CACHD1: variants seen among roughly 807,000 people sequenced by gnomAD.
CACHD1 encodes cache domain containing 1.
In CACHD1, 71 loss-of-function variants were observed where a neutral mutation model predicts 138.7. The observed-to-expected ratio is 0.51, with a 90% confidence interval of 0.42 to 0.62. The LOEUF (loss-of-function observed/expected upper bound fraction) is 0.62, where lower values mean the gene tolerates loss of function less well. Among genes scored for constraint, CACHD1 ranks in the 20% least tolerant of loss-of-function variants. The pLI, the probability that CACHD1 is intolerant of heterozygous loss-of-function variation, is 0.00. For synonymous variants in CACHD1, 578 were observed against 591.5 expected (o/e 0.98, Z 0.33); for missense variants, 1,389 against 1,625.3 (o/e 0.85, Z 2.50).
In CACHD1 at chr1:64,577,968, G is replaced by C. The variant is rs1044079109; in HGVS notation, c.262-4188G>C. Among the ~76,000 whole-genome samples the C allele has an allele frequency of 5.9e-5, 9 of 152,256 alleles. No homozygotes were observed. The South Asian group carries it at 1.9e-3, about 32-fold the overall frequency. ...CCCAGTAAAACACACCTCTGCCAGG[G>C]CTGCTCTCCCATCAACCAGTCACCC... is the stretch of plus-strand genomic sequence containing the variant. On this transcript the variant is annotated intron_variant, in intron 2 of 26. Coordinates refer to ENST00000651257, the MANE Select transcript of CACHD1 (RefSeq NM_020925.4).
chr1:64,511,746 G>A (rs1646422164), intron 1 of CACHD1, among the ~76,000 whole-genome samples: 1 of 152,172 alleles, frequency 6.6e-6, no homozygotes, highest in Non-Finnish European at 1.5e-5. Flanking sequence ...GCAATAATTA[G>A]CACTTTGAGT....
At chr1:64,495,884 G>A (rs1646303735) in intron 1 of CACHD1, among the ~76,000 whole-genome samples, 1 of 151,790 alleles carries the variant, frequency 6.6e-6, no homozygotes, top group African/African-American at 2.4e-5. Flanking sequence ...AACAAAAGTT[G>A]GAATATCTAA....
chr1:64,546,440 T>C (rs1023680891), intron 1 of CACHD1, among the ~76,000 whole-genome samples: 1 of 152,018 alleles, frequency 6.6e-6, no homozygotes, highest in Non-Finnish European at 1.5e-5. Flanking sequence ...GCTCAAGTGA[T>C]CCTCCCACCT....
chr1:64,589,024 G>A (rs894500138), intron 3 of CACHD1, among the ~76,000 whole-genome samples: 1 of 152,170 alleles, frequency 6.6e-6, no homozygotes. Flanking sequence ...TAAGCAACTT[G>A]TTTCCAAGGT....
At chr1:64,661,550 T>G (rs1649440969) in intron 13 of CACHD1, among the ~76,000 whole-genome samples, 1 of 152,174 alleles carries the variant, frequency 6.6e-6, no homozygotes, top group African/African-American at 2.4e-5. Context: ...CCTTTGACAC[T>G]TCTTATATTA....
At chr1:64,588,491 A>G (rs1180978683) in intron 3 of CACHD1, among the ~76,000 whole-genome samples, 1 of 150,490 alleles carries the variant, frequency 6.6e-6, no homozygotes, top group African/African-American at 2.5e-5. Flanking sequence ...GCACGATCTC[A>G]TGCCTCAGCC....
At chr1:64,674,349 G>T (rs1176669563) in intron 19 of CACHD1, among the ~76,000 whole-genome samples, 1 of 152,144 alleles carries the variant, frequency 6.6e-6, no homozygotes, top group African/African-American at 2.4e-5. Flanking sequence ...AAATGAGACT[G>T]CCAAGTAAGG....
intron 16 of CACHD1, among the ~76,000 whole-genome samples, chr1:64,667,662 A>T (rs1238610557): frequency 2.0e-5 from 3 of 152,110 alleles, no homozygotes; most frequent in Non-Finnish European, 4.4e-5. Flanking sequence ...GTAAACAAAG[A>T]CTGTTTCTTT....
chr1:64,647,751 G>A lies in CACHD1; in HGVS notation c.1157-50G>A. The stretch of plus-strand genomic sequence containing the variant: ...GATCTAAATGGCAAGAGGTTGAATG[G>A]ATATAAACCATTTTGCTTTCCGTGG... On this transcript the variant is annotated intron_variant, in intron 8 of 26. Coordinates refer to ENST00000651257, the MANE Select transcript of CACHD1 (RefSeq NM_020925.4). 2.0e-6 allele frequency: 3 copies of A among 1,518,912 alleles called. No homozygotes were observed. The South Asian group carries it at 3.5e-5, about 18-fold the overall frequency. 94.1% of individuals were successfully genotyped at this position (1,518,912 alleles called of 1,614,324 possible). A position where few individuals can be genotyped will look rare whatever the true frequency, so the allele number is the denominator to read the frequency against.
At chr1:64,639,500 T>A (rs1226745878) in intron 7 of CACHD1, among the ~76,000 whole-genome samples, 3 of 152,232 alleles carry the variant, frequency 2.0e-5, no homozygotes, top group Non-Finnish European at 2.9e-5. Context: ...GTGCAGTTAA[T>A]GTTCACTAGA....
At chr1:64,519,548 T>A (rs1570325159) in intron 1 of CACHD1, among the ~76,000 whole-genome samples, 1 of 152,160 alleles carries the variant, frequency 6.6e-6, no homozygotes, top group Non-Finnish European at 1.5e-5. Context: ...TGAATTAACT[T>A]TTTTCCTTCC....
chr1:64,679,947 A>G (rs968463288), intron 24 of CACHD1, among the ~76,000 whole-genome samples, 191 bp downstream of exon 24: 3 of 152,190 alleles, frequency 2.0e-5, no homozygotes, highest in South Asian at 2.1e-4. Context: ...TGATCCCCGG[A>G]AAAATCCCTG....
chr1:64,582,740 T>C (rs186469115), intron 3 of CACHD1, among the ~76,000 whole-genome samples: 4 of 152,318 alleles, frequency 2.6e-5, no homozygotes, highest in Admixed American at 2.6e-4. Flanking sequence ...GGAAATGTGT[T>C]TTCAGATCAT....
At chr1:64,563,917 G>C (rs1646861405) in intron 2 of CACHD1, 1 of 152,122 alleles carries the variant, frequency 6.6e-6, no homozygotes, top group East Asian at 1.9e-4. Context: ...AAGATTAGGT[G>C]GTTGCCTACT....
intron 9 of CACHD1, among the ~76,000 whole-genome samples, chr1:64,649,254 T>G (rs1223568576): frequency 2.0e-5 from 3 of 152,078 alleles, no homozygotes; most frequent in African/African-American, 4.8e-5. Context: ...CGGAGTGCAG[T>G]GGTGTGATCA....
At chr1:64,588,812 G>A (rs1487863199) in intron 3 of CACHD1, among the ~76,000 whole-genome samples, 2 of 152,092 alleles carry the variant, frequency 1.3e-5, no homozygotes, top group Non-Finnish European at 2.9e-5. Context: ...AAAGAAGGGG[G>A]CAAAGGGGAG....
chr1:64,529,939 T>A (rs1646569218), intron 1 of CACHD1, among the ~76,000 whole-genome samples: 2 of 152,214 alleles, frequency 1.3e-5, no homozygotes. Flanking sequence ...TTTTCGTCCT[T>A]CTAGTTGTTT....
Position 64,666,082 on chromosome 1 carries a change from G to C in CACHD1, c.2302G>C (p.Gly768Arg), listed in dbSNP as rs759066658. ...QWYLHAVANP[G>R]LISLTGPYLD... ...GTATCTCCATGCAGTAGCTAATCCA[G>C]GGTTGATTTCTTTGACTGGTCCTTA... is the stretch of plus-strand genomic sequence containing the variant. Residue 768 changes from glycine (G) to arginine (R), a missense_variant, in exon 16 of 27, where the codon GGG becomes CGG. By Grantham distance (125) the Gly-to-Arg change is moderately radical (BLOSUM62 -2). This residue lies in a region of CACHD1 where 1,000 missense variants were observed against 1,114.7 expected (regional missense o/e 0.90). Coordinates refer to ENST00000651257, the MANE Select transcript of CACHD1 (RefSeq NM_020925.4). 1 of 1,610,630 alleles carries C rather than the reference G, an allele frequency of 6.2e-7. No individual in the cohort carries two copies. Among genetic ancestry groups the C allele is most frequent in the Admixed American group, 1.7e-5 (1 of 59,922 alleles).
At chr1:64,620,963 G>A (rs1390703640) in intron 4 of CACHD1, among the ~76,000 whole-genome samples, 1 of 152,116 alleles carries the variant, frequency 6.6e-6, no homozygotes, top group Non-Finnish European at 1.5e-5. Context: ...CCACTACACA[G>A]TCTTTAGTGG....
Sources: allele counts gnomAD v4.1 joint callset (sites outside exome capture counted in the v4.1 genomes callset), GRCh38; gene constraint gnomAD v4.1.1; regional missense constraint gnomAD v4.1.1; transcripts MANE v1.5; gene names NCBI Gene and HGNC (gene_info 2026-07-23, HGNC 2026-07-21).